The following KAZN variants were observed in gnomAD, a reference collection of about 807,000 sequenced individuals.
KAZN encodes the protein kazrin, periplakin interacting protein.
A neutral mutation model predicts 87.4 loss-of-function variants in KAZN; 40 were observed. The observed-to-expected ratio is 0.46, with a 90% CI of 0.36 to 0.60. KAZN has a LOEUF of 0.60. KAZN is among the 20% of genes least tolerant of loss of function. KAZN has a pLI of 0.00. For synonymous variants in KAZN, 466 were observed against 458.3 expected, an observed-to-expected ratio of 1.02 and a Z score of -0.22; for missense variants, 898 against 1,073.9, an observed-to-expected ratio of 0.84 and a Z score of 2.29.
intron 2 of KAZN, among the ~76,000 whole-genome samples, chr1:14,979,004 A>G (rs1385039462): frequency 6.6e-6 from 1 of 151,884 alleles, no homozygotes; most frequent in Non-Finnish European, 1.5e-5. Context: ...TCCCGGGTTC[A>G]AGAGATTCTC....
intron 2 of KAZN, among the ~76,000 whole-genome samples, chr1:14,506,068 G>A (rs1670569628): frequency 1.3e-5 from 2 of 152,226 alleles, no homozygotes; most frequent in South Asian, 2.1e-4. Flanking sequence ...AAATGGCTAA[G>A]ATAGCAAATC....
At chr1:13,942,954 AG>A (rs1260390085) in intron 1 of KAZN, among the ~76,000 whole-genome samples, 2 of 152,210 alleles carry the variant, frequency 1.3e-5, no homozygotes, top group African/African-American at 4.8e-5. Flanking sequence ...AAAGAGAAAA[AG>A]GGTAAGAGAC....
At chr1:14,579,631 A>C (rs1354270330) in intron 2 of KAZN, among the ~76,000 whole-genome samples, 2 of 152,064 alleles carry the variant, frequency 1.3e-5, no homozygotes, top group African/African-American at 4.8e-5. Flanking sequence ...TCTCAAAAAA[A>C]AATTAAAAAA....
At chr1:14,921,850 T>C (rs542717410) in intron 1 of KAZN, among the ~76,000 whole-genome samples, 1 of 152,344 alleles carries the variant, frequency 6.6e-6, no homozygotes, top group East Asian at 1.9e-4. Context: ...TAGCTGGGAT[T>C]ACAGGTGTGT....
intron 1 of KAZN, among the ~76,000 whole-genome samples, chr1:14,878,897 T>C (rs544870698): frequency 1.2e-3 from 181 of 152,356 alleles, no homozygotes; most frequent in Admixed American, 2.1e-3. Context: ...ATCGATCTAG[T>C]TCCTGAGGCC....
intron 1 of KAZN, among the ~76,000 whole-genome samples, chr1:14,784,595 C>G (rs1220462461): frequency 1.3e-5 from 2 of 152,082 alleles, no homozygotes; most frequent in Non-Finnish European, 2.9e-5. Context: ...CCCGTCTCTA[C>G]AAAAAATACA....
At chr1:15,008,524 GA>G (rs1359508337) in intron 2 of KAZN, among the ~76,000 whole-genome samples, 1 of 152,220 alleles carries the variant, frequency 6.6e-6, no homozygotes, top group Non-Finnish European at 1.5e-5. Flanking sequence ...CGGGTTTCCA[GA>G]GCACTTCACT....
intron 10 of KAZN, among the ~76,000 whole-genome samples, chr1:15,101,168 C>CTCTCTCTG (rs1267007747): frequency 6.7e-6 from 1 of 149,886 alleles, no homozygotes; most frequent in Non-Finnish European, 1.5e-5. Context: ...CGGTCTTTCT[C>CTCTCTCTG]TCTCTCTCTC....
chr1:14,871,533 G>A (rs1652128362), intron 1 of KAZN, among the ~76,000 whole-genome samples: 2 of 151,594 alleles, frequency 1.3e-5, no homozygotes, highest in African/African-American at 4.9e-5. Context: ...TATTATCAGT[G>A]CATCTGCAAC....
In KAZN at chr1:14,219,176, G is replaced by A. The variant is rs1236327037; in HGVS notation, c.249+38584G>A. 4.6e-5 allele frequency among the ~76,000 whole-genome samples: 7 copies of A among 151,980 alleles called. No homozygotes were observed. In the East Asian group the frequency reaches 1.2e-3, roughly 25 times the overall value. ...CTAATAGAGACATAAAAATAACAGG[G>A]GAAATGAAATATAGGGATGTATAAT... is the stretch of plus-strand genomic sequence containing the variant. On this transcript the variant is annotated intron_variant, in intron 2 of 16. Coordinates refer to the KAZN transcript ENST00000636203.
chr1:14,587,677 T>G (rs2148574435), intron 2 of KAZN, among the ~76,000 whole-genome samples: 1 of 151,988 alleles, frequency 6.6e-6, no homozygotes, highest in South Asian at 2.1e-4. Flanking sequence ...GTGAACTAAC[T>G]GAGTGAGAAC....
chr1:14,244,410 T>C (rs182010344), intron 2 of KAZN, among the ~76,000 whole-genome samples: 15 of 152,372 alleles, frequency 9.8e-5, no homozygotes, highest in Non-Finnish European at 2.1e-4. Context: ...TTTCCCTGTT[T>C]GGAATCATCT....
intron 1 of KAZN, among the ~76,000 whole-genome samples, chr1:14,821,789 G>A (rs989761316): frequency 4.6e-5 from 7 of 152,128 alleles, no homozygotes; most frequent in African/African-American, 1.7e-4. Flanking sequence ...GTCAACCCTG[G>A]AAAGCTGGTA....
intron 1 of KAZN, among the ~76,000 whole-genome samples, chr1:14,787,736 C>G (rs1254401172): frequency 1.3e-5 from 2 of 152,116 alleles, no homozygotes; most frequent in African/African-American, 2.4e-5. Flanking sequence ...GACTGGCGCC[C>G]CCTGCAGTTG....
chr1:14,426,516 A>C (rs1665734890), intron 2 of KAZN, among the ~76,000 whole-genome samples: 1 of 152,210 alleles, frequency 6.6e-6, no homozygotes, highest in East Asian at 1.9e-4. Context: ...CATGAATGAA[A>C]GAATGCTGCT....
At chr1:14,535,677 T>A (rs944151853) in intron 2 of KAZN, among the ~76,000 whole-genome samples, 3 of 141,048 alleles carry the variant, frequency 2.1e-5, no homozygotes, top group Non-Finnish European at 1.6e-5. Context: ...AAAAAAAAAA[T>A]AAAAATAAAA....
chr1:14,477,986 T>C (rs987028787), intron 2 of KAZN, among the ~76,000 whole-genome samples: 1 of 152,198 alleles, frequency 6.6e-6, no homozygotes, highest in African/African-American at 2.4e-5. Flanking sequence ...ACCAGCCTTG[T>C]GTCTCCACAG....
intron 2 of KAZN, among the ~76,000 whole-genome samples, chr1:15,004,872 T>G (rs1668845071): frequency 6.6e-6 from 1 of 152,210 alleles, no homozygotes; most frequent in African/African-American, 2.4e-5. Flanking sequence ...CTGGCATGAT[T>G]GTGAGGATTA....
rs569090606 is a variant in KAZN, at chr1:14,857,489, C to T, written c.227-103195C>T. ...TTGAGGGTGCAGTGAGCCGAGATCGCGCCACTCTACTCCAGCCTAGGTGAC... is the reference window on the plus strand; with the variant it reads ...TTGAGGGTGCAGTGAGCCGAGATCGTGCCACTCTACTCCAGCCTAGGTGAC... On this transcript the variant is annotated intron_variant, in intron 1 of 14. Coordinates refer to ENST00000376030, the MANE Select transcript of KAZN (RefSeq NM_201628.3). Among the ~76,000 whole-genome samples, 34 of 152,060 alleles carry T rather than the reference C, an allele frequency of 2.2e-4. No homozygotes were observed. The South Asian group carries it at 5.0e-3, about 22-fold the overall frequency.
Sources: gnomAD v4.1 joint callset for allele counts (sites outside exome capture counted in the v4.1 genomes callset) on GRCh38, gnomAD v4.1.1 for gene constraint, MANE v1.5 for transcripts, NCBI Gene and HGNC (gene_info 2026-07-23, HGNC 2026-07-21) for gene names.